The following ADCY8 variants were observed in gnomAD, a reference collection of about 807,000 sequenced individuals.
ADCY8 encodes the protein adenylate cyclase type 8.
ADCY8 carries 51 observed loss-of-function variants against 119.7 expected under a neutral mutation model. The observed-to-expected ratio is 0.43, with a 90% CI of 0.34 to 0.54. ADCY8 has a LOEUF of 0.54. Ranked by LOEUF, ADCY8 falls within the 20% of genes least tolerant of loss-of-function variation. The pLI is 0.03. For missense variants in ADCY8, 1,383 were observed against 1,598.8 expected (o/e 0.87, Z 2.30); for synonymous variants, 665 against 651.0 (o/e 1.02, Z -0.33).
chr8:130,870,443 C>T (rs1818312516), intron 8 of ADCY8, among the ~76,000 whole-genome samples: 1 of 152,182 alleles, frequency 6.6e-6, no homozygotes, highest in African/African-American at 2.4e-5. Context: ...CTTTTCATAA[C>T]ATTCTTGATG....
chr8:130,800,056 A>G (rs1163111996), intron 15 of ADCY8, among the ~76,000 whole-genome samples: 1 of 152,188 alleles, frequency 6.6e-6, no homozygotes, highest in African/African-American at 2.4e-5. Flanking sequence ...TATCTTTGAC[A>G]CTTTGAGAAG....
intron 11 of ADCY8, among the ~76,000 whole-genome samples, chr8:130,843,313 G>C (rs961649096): frequency 2.6e-5 from 4 of 152,154 alleles, no homozygotes; most frequent in Non-Finnish European, 4.4e-5. Flanking sequence ...CTTCCAGATG[G>C]TTCTTTTCCC....
chr8:131,039,965 G>A lies in ADCY8; in HGVS notation c.369C>T (p.Gly123=). The A allele has an allele frequency of 1.3e-6, 2 of 1,584,374 alleles. No individual in the cohort carries two copies. Among genetic ancestry groups the A allele is most frequent in the African/African-American group, 1.3e-5 (1 of 74,444 alleles). ...SGSGSASGSG[G]GGDLGFLHLD... is the part of the protein sequence containing the mutation. The stretch of plus-strand genomic sequence containing the variant: ...GGTGCAGGAAGCCCAGGTCGCCCCC[G>A]CCTCCGCTGCCGCTGGCACTGCCGC... Residue 123 remains glycine (G), a synonymous_variant, in exon 1 of 18, where the codon GGC becomes GGT. Coordinates refer to ENST00000286355, the MANE Select transcript of ADCY8 (RefSeq NM_001115.3).
At chr8:131,020,169 CCT>C (rs1034123492) in intron 1 of ADCY8, among the ~76,000 whole-genome samples, 10 of 152,094 alleles carry the variant, frequency 6.6e-5, no homozygotes, top group African/African-American at 2.4e-4. Context: ...AAGAATTTGT[CCT>C]CTGTCTTAAG....
At chr8:130,792,941 G>A (rs553444295) in intron 15 of ADCY8, among the ~76,000 whole-genome samples, 8 of 152,268 alleles carry the variant, frequency 5.3e-5, no homozygotes, top group African/African-American at 1.4e-4. Context: ...ACCCTGCCAC[G>A]CTGGTTTAAA....
rs564147890 is a variant in ADCY8, at chr8:131,040,577, G to C, written c.-244C>G. On this transcript the variant is annotated 5_prime_UTR_variant, in exon 1 of 18. Transcript: ENST00000286355. The stretch of plus-strand genomic sequence containing the variant: ...CTTGCGTGCTGCTCTCCCGCCAGCC[G>C]GCGCAGCTTGGGTACGCAGCGGCAG... 1.3e-5 allele frequency: 5 copies of C among 397,060 alleles called. No homozygotes were observed. The Admixed American group carries it at 1.7e-4, about 14-fold the overall frequency. 24.6% of individuals were successfully genotyped at this position (397,060 alleles called of 1,614,324 possible). A position where few individuals can be genotyped will look rare whatever the true frequency, so the allele number is the denominator to read the frequency against.
intron 2 of ADCY8, among the ~76,000 whole-genome samples, chr8:130,965,439 T>C (rs772377909): frequency 1.3e-4 from 20 of 152,178 alleles, no homozygotes; most frequent in Non-Finnish European, 2.6e-4. Context: ...TCACATGATA[T>C]ACCAATGCAA....
At chr8:130,917,675 G>T (rs1213530444) in intron 5 of ADCY8, among the ~76,000 whole-genome samples, 1 of 152,110 alleles carries the variant, frequency 6.6e-6, no homozygotes, top group African/African-American at 2.4e-5. Context: ...CCGCTCAGGG[G>T]AGTTCTGAAG....
At chr8:130,935,099 G>GCTGCTGTCA (rs1444117736) in intron 5 of ADCY8, among the ~76,000 whole-genome samples, 4 of 152,160 alleles carry the variant, frequency 2.6e-5, no homozygotes, top group Non-Finnish European at 5.9e-5. Flanking sequence ...CCAGAGGTAG[G>GCTGCTGTCA]CTGCTGTCAC....
At chr8:130,920,469 C>G (rs970031553) in intron 5 of ADCY8, among the ~76,000 whole-genome samples, 6 of 152,204 alleles carry the variant, frequency 3.9e-5, no homozygotes, top group Non-Finnish European at 8.8e-5. Context: ...GCCCACAAAC[C>G]TCTAAAGGCT....
intron 15 of ADCY8, among the ~76,000 whole-genome samples, chr8:130,799,407 T>G (rs16904360): frequency 0.1 from 15,374 of 152,210 alleles, 915 homozygotes; most frequent in Admixed American, 0.16. Flanking sequence ...ATATATACAA[T>G]GGAAAGAAGG....
rs1380050501 is a variant in ADCY8, at chr8:130,936,029, A to G, written c.1481+1044T>C. ...ACAGCCCATGGTCTTCCCTAGATCA[A>G]TTAAGTCTGAGTTTTTGAGGGTGTT... On this transcript the variant is annotated intron_variant, in intron 5 of 17. Coordinates refer to ENST00000286355, the MANE Select transcript of ADCY8 (RefSeq NM_001115.3). Among the ~76,000 whole-genome samples the G allele has an allele frequency of 2.6e-5, 4 of 151,736 alleles. 1 individual carries two copies. Among genetic ancestry groups the G allele is most frequent in the Admixed American group, 6.6e-5 (1 of 15,196 alleles).
intron 2 of ADCY8, among the ~76,000 whole-genome samples, chr8:130,978,392 A>G (rs1243618752): frequency 6.6e-6 from 1 of 152,176 alleles, no homozygotes; most frequent in Admixed American, 6.6e-5. Flanking sequence ...TTGGATATGA[A>G]AATTCATCAA....
chr8:131,037,556 T>A (rs1419512241), intron 1 of ADCY8, among the ~76,000 whole-genome samples: 1 of 152,212 alleles, frequency 6.6e-6, no homozygotes, highest in Non-Finnish European at 1.5e-5. Context: ...AGTAGTGGGT[T>A]ATAATACATG....
At chr8:130,856,989 C>T (rs1031562045) in intron 9 of ADCY8, among the ~76,000 whole-genome samples, 1 of 150,490 alleles carries the variant, frequency 6.6e-6, no homozygotes, top group African/African-American at 2.4e-5. Flanking sequence ...GAAAACCACA[C>T]AAAAGTATAG....
intron 15 of ADCY8, among the ~76,000 whole-genome samples, chr8:130,786,205 A>C (rs1226468064): frequency 6.6e-6 from 1 of 152,156 alleles, no homozygotes; most frequent in Non-Finnish European, 1.5e-5. Context: ...TTCCTGGAGC[A>C]TATATTTTCC....
At chr8:131,015,770 TGAGGCTCAGA>T (rs1445272834) in intron 1 of ADCY8, among the ~76,000 whole-genome samples, 1 of 152,158 alleles carries the variant, frequency 6.6e-6, no homozygotes, top group Non-Finnish European at 1.5e-5. Context: ...GTGTGAAACG[TGAGGCTCAGA>T]GAGGTAAAAC....
At chr8:130,815,588 A>G (rs2130176508) in intron 13 of ADCY8, among the ~76,000 whole-genome samples, 1 of 152,366 alleles carries the variant, frequency 6.6e-6, no homozygotes, top group African/African-American at 2.4e-5. Flanking sequence ...ATCACACATG[A>G]GTTAGTGGAA....
chr8:131,018,979 T>A (rs532269785), intron 1 of ADCY8, among the ~76,000 whole-genome samples: 102 of 152,332 alleles, frequency 6.7e-4, no homozygotes, highest in Admixed American at 1.8e-3. Context: ...GCCACCTCCA[T>A]GGTGAAGTCT....
Sources: gnomAD v4.1 joint callset for allele counts (sites outside exome capture counted in the v4.1 genomes callset) on GRCh38, gnomAD v4.1.1 for gene constraint, MANE v1.5 for transcripts, NCBI Gene and HGNC (gene_info 2026-07-23, HGNC 2026-07-21) for gene names.